Variants in UPF1 observed in about 807,000 individuals in gnomAD.
UPF1 encodes regulator of nonsense transcripts 1.
UPF1 carries 9 observed loss-of-function variants against 129.2 expected under a neutral mutation model. The observed-to-expected ratio is 0.07, with a 90% CI of 0.04 to 0.12. The LOEUF (loss-of-function observed/expected upper bound fraction) is 0.12, where lower values mean the gene tolerates loss of function less well. Ranked by LOEUF, UPF1 falls within the 10% of genes least tolerant of loss-of-function variation. UPF1 has a pLI of 1.00. For synonymous variants in UPF1, 649 were observed against 644.9 expected, an observed-to-expected ratio of 1.01 and a Z score of -0.10; for missense variants, 788 against 1,525.3, an observed-to-expected ratio of 0.52 and a Z score of 8.05.
rs189135131 is a variant in UPF1, at chr19:18,841,432, G to T, written c.232-4548G>T. 3.3e-4 allele frequency among the ~76,000 whole-genome samples: 50 copies of T among 152,316 alleles called. 1 individual carries two copies. The highest frequency in any genetic ancestry group is 1.1e-3 in the African/African-American group (46 of 41,572). ...CTGCAGCGCCGTTATCACACAAGCA[G>T]CGTCAACAATGGCTTTTCACGATTG... On this transcript the variant is annotated intron_variant, in intron 1 of 23. Transcript: ENST00000262803.
In UPF1 at chr19:18,856,436, C is replaced by T. The variant is rs184001411; in HGVS notation, c.1824+136C>T. On this transcript the variant is annotated intron_variant, in intron 13 of 23. Coordinates refer to ENST00000262803, the MANE Select transcript of UPF1 (RefSeq NM_002911.4). ...AGATGCTCTCTACTTGGCCTCTCTG[C>T]GCTCAGTTGTACAGTAAATTAGGGA... 637 of 815,460 alleles carry T rather than the reference C, an allele frequency of 7.8e-4. 5 individuals are homozygous for T. In the African/African-American group the frequency reaches 9.7e-3, roughly 12 times the overall value. The allele number at this position is 815,460 out of a possible 1,614,324, so 50.5% of individuals were successfully genotyped here.
chr19:18,844,220 G>T (rs763132878), intron 1 of UPF1, among the ~76,000 whole-genome samples: 1 of 146,786 alleles, frequency 6.8e-6, no homozygotes, highest in Non-Finnish European at 1.5e-5. Flanking sequence ...GTATGACTAG[G>T]AAGTGGGAAT....
intron 2 of UPF1, 135 bp from the exon 3 acceptor site, chr19:18,847,609 C>T (rs959504074): frequency 1.4e-5 from 11 of 759,972 alleles, no homozygotes; most frequent in Non-Finnish European, 2.5e-5. Context: ...GATTTGGTTA[C>T]TGGGATTGTT....
chr19:18,852,841 T>G (rs2055675353), intron 6 of UPF1, 146 bp from the exon 7 acceptor site: 7 of 671,430 alleles, frequency 1.0e-5, no homozygotes, highest in East Asian at 2.5e-5. Flanking sequence ...CTTGGTGGCA[T>G]TTGGGGCTGC....
At chr19:18,840,164 C>T (rs138150594) in intron 1 of UPF1, among the ~76,000 whole-genome samples, 220 of 152,116 alleles carry the variant, frequency 1.4e-3, no homozygotes, top group African/African-American at 5.1e-3. Flanking sequence ...GGTTGGACCC[C>T]GAATGGATGG....
At chr19:18,845,126 G>A (rs1271075865) in intron 1 of UPF1, among the ~76,000 whole-genome samples, 1 of 152,238 alleles carries the variant, frequency 6.6e-6, no homozygotes, top group Non-Finnish European at 1.5e-5. Context: ...GACTGGCAGT[G>A]GGAGATTTGG....
chr19:18,845,598 A>G (rs1358625883), intron 1 of UPF1, among the ~76,000 whole-genome samples: 7 of 151,972 alleles, frequency 4.6e-5, no homozygotes, highest in Non-Finnish European at 1.0e-4. Context: ...TGAGCCTTAC[A>G]CTGTGGTGGG....
chr19:18,864,733 G>GTTTTTTTTTTT lies in UPF1; in HGVS notation c.2857+495_2857+505dup, dbSNP rs10682791. Among the ~76,000 whole-genome samples, 3 of 73,568 alleles carry GTTTTTTTTTTT rather than the reference G, an allele frequency of 4.1e-5. 1 individual carries two copies. Among genetic ancestry groups the GTTTTTTTTTTT allele is most frequent in the Non-Finnish European group, 7.1e-5 (3 of 41,964 alleles). 48.3% of individuals were successfully genotyped at this position (73,568 alleles called of 152,430 possible). ...CACTGCACCTGGCCAATTTGCAGGTGTTTTTTTTTTTTTTTTTTTTTTTGG... is the reference window on the plus strand; with the variant it reads ...CACTGCACCTGGCCAATTTGCAGGTGTTTTTTTTTTTTTTTTTTTTTTTTTTTTTTTTTTGG... On this transcript the variant is annotated intron_variant, in intron 20 of 23. Transcript: ENST00000262803.
At chr19:18,858,520 A>C (rs1253343761) in intron 15 of UPF1, among the ~76,000 whole-genome samples, 1 of 152,102 alleles carries the variant, frequency 6.6e-6, no homozygotes, top group African/African-American at 2.4e-5. Context: ...GAGTTGTCAC[A>C]GGCCTGCAGA....
chr19:18,865,160 C>G lies in UPF1; in HGVS notation c.2858-129C>G. On this transcript the variant is annotated intron_variant, in intron 20 of 23. Transcript: ENST00000262803. This position sits in a 1 kb window ranked among gnomAD's most constrained non-coding sequence, Gnocchi z 6.1. ...TAGTTAACATGGAGTCCTGCGAATC[C>G]GCATCTTCAGCCTGGGCAGAGCCAG... 1 of 1,217,680 alleles carries G rather than the reference C, an allele frequency of 8.2e-7. No homozygotes were observed. The highest frequency in any genetic ancestry group is 1.1e-6 in the Non-Finnish European group (1 of 887,164). The allele number at this position is 1,217,680 out of a possible 1,614,324, so 75.4% of individuals were successfully genotyped here. A position where few individuals can be genotyped will look rare whatever the true frequency, so the allele number is the denominator to read the frequency against.
intron 1 of UPF1, among the ~76,000 whole-genome samples, chr19:18,843,114 C>T (rs1253557931): frequency 6.6e-6 from 1 of 152,180 alleles, no homozygotes; most frequent in Non-Finnish European, 1.5e-5. Context: ...TGAGCCATCA[C>T]GCCTGGCCTC....
At chr19:18,847,687 A>T in intron 2 of UPF1, 57 bp from the exon 3 acceptor site, 1 of 1,551,186 alleles carries the variant, frequency 6.4e-7, no homozygotes, top group Non-Finnish European at 8.9e-7. Context: ...ACATCTTGCC[A>T]AATGAAAACC....
rs753219525 is a variant in UPF1 at position 18,863,546 on chromosome 19, C to T, written c.2709C>T (p.Leu903=). 7 of 1,613,842 alleles carry T rather than the reference C, an allele frequency of 4.3e-6. No individual in the cohort carries two copies. Among genetic ancestry groups the T allele is most frequent in the South Asian group, 1.1e-5 (1 of 91,082 alleles). The change falls in exon 19 of 24, where the codon CTC becomes CTT. Residue 903 remains leucine, a synonymous_variant. Transcript: ENST00000262803. The part of the protein sequence containing the change: ...KEQKVLVEGP[L]NNLRESLMQF... ...AGAAGGTGCTGGTGGAGGGGCCGCT[C>T]AACAACCTGCGTGAGAGCCTCATGC...
chr19:18,844,584 G>T (rs537465787), intron 1 of UPF1, among the ~76,000 whole-genome samples: 2 of 151,836 alleles, frequency 1.3e-5, no homozygotes, highest in South Asian at 4.2e-4. Flanking sequence ...CCGCCCTGCC[G>T]AGGAGCTGCT....
At chr19:18,848,648 C>G (rs1300985654) in intron 3 of UPF1, among the ~76,000 whole-genome samples, 1 of 151,862 alleles carries the variant, frequency 6.6e-6, no homozygotes, top group Non-Finnish European at 1.5e-5. Context: ...CCTCCTGTGC[C>G]TTTGACAGCT....
intron 14 of UPF1, 27 bp from the exon 15 acceptor site, chr19:18,857,293 G>A (rs749371658): frequency 1.3e-6 from 2 of 1,594,456 alleles, no homozygotes; most frequent in Non-Finnish European, 1.7e-6. Context: ...TGAGCTTCTT[G>A]ACTTGTGGGG....
At chr19:18,839,712 C>G (rs2055521325) in intron 1 of UPF1, among the ~76,000 whole-genome samples, 1 of 152,214 alleles carries the variant, frequency 6.6e-6, no homozygotes, top group African/African-American at 2.4e-5. Flanking sequence ...CCCTGGACTT[C>G]AGCCATCCCC....
chr19:18,857,620 G>A (rs573898599), intron 15 of UPF1, 87 bp downstream of exon 15: 16 of 1,418,974 alleles, frequency 1.1e-5, no homozygotes, highest in Non-Finnish European at 1.5e-5. Flanking sequence ...TGGCCCATCA[G>A]CTTCCCCTGA....
chr19:18,866,963 C>T lies in UPF1; in HGVS notation c.*446C>T, dbSNP rs1428849194. On this transcript the variant is annotated 3_prime_UTR_variant, in exon 24 of 24. Coordinates refer to ENST00000262803, the MANE Select transcript of UPF1 (RefSeq NM_002911.4). ...GACAGCAGCGTGCGGGGCAGAGCCCCGGGAGGGCGCGTCTGTCCACGCCTA... is the reference window on the plus strand; with the variant it reads ...GACAGCAGCGTGCGGGGCAGAGCCCTGGGAGGGCGCGTCTGTCCACGCCTA... The T allele has an allele frequency of 6.6e-6, 1 of 152,604 alleles. No homozygotes were observed. The highest frequency in any genetic ancestry group is 1.5e-5 in the Non-Finnish European group (1 of 68,058). The allele number at this position is 152,604 out of a possible 1,614,324, so 9.5% of individuals were successfully genotyped here. A position where few individuals can be genotyped will look rare whatever the true frequency, so the allele number is the denominator to read the frequency against.
Sources: gnomAD v4.1 joint callset for allele counts (sites outside exome capture counted in the v4.1 genomes callset) on GRCh38, gnomAD v4.1.1 for gene constraint, Gnocchi (gnomAD v3.1) non-coding constraint, MANE v1.5 for transcripts, NCBI Gene and HGNC (gene_info 2026-07-23, HGNC 2026-07-21) for gene names.